CCDC7: variants seen among roughly 807,000 people sequenced by gnomAD.
The protein encoded by CCDC7 is coiled-coil domain containing 7.
CCDC7 carries 183 observed loss-of-function variants against 196.9 expected under a neutral mutation model. That is an observed-to-expected ratio of 0.93 (90% CI 0.82 to 1.05). The LOEUF is 1.05. Among genes scored for constraint, CCDC7 ranks in the 50% least tolerant of loss-of-function variants. The pLI is 0.00. For missense variants in CCDC7, 1,540 were observed against 1,482.2 expected, an observed-to-expected ratio of 1.04 and a Z score of -0.64; for synonymous variants, 525 against 484.6, an observed-to-expected ratio of 1.08 and a Z score of -1.10.
At chr10:32,841,568 C>G (rs895442703) in intron 33 of CCDC7, among the ~76,000 whole-genome samples, 2 of 151,878 alleles carry the variant, frequency 1.3e-5, no homozygotes, top group Admixed American at 1.3e-4. Flanking sequence ...AATGCAATTC[C>G]CATCAAAATA....
intron 28 of CCDC7, among the ~76,000 whole-genome samples, chr10:32,758,857 C>T (rs1157473802): frequency 1.3e-5 from 2 of 152,208 alleles, no homozygotes; most frequent in Admixed American, 1.3e-4. Flanking sequence ...CCTGTCATTT[C>T]AGCCCAAAAT....
At chr10:32,639,416 A>G (rs2066292698) in intron 20 of CCDC7, among the ~76,000 whole-genome samples, 1 of 151,804 alleles carries the variant, frequency 6.6e-6, no homozygotes, top group Non-Finnish European at 1.5e-5. Context: ...TGTGTCCCAG[A>G]GATTCTGGTA....
At chr10:32,521,940 C>T (rs541704603) in intron 11 of CCDC7, among the ~76,000 whole-genome samples, 65 of 152,272 alleles carry the variant, frequency 4.3e-4, no homozygotes, top group Non-Finnish European at 8.5e-4. Context: ...AATGCCTTTT[C>T]AGCGTCAATT....
rs146343518 is a variant in CCDC7 at position 32,735,596 on chromosome 10, C to T, written c.2905+6139C>T. ...TCTTATTGTGTCAGGTATGTGTTTT[C>T]TAAATATTTTCTTCCTGCAGGTGGC... On this transcript the variant is annotated intron_variant, in intron 28 of 41. Transcript: ENST00000639629. 5.9e-3 allele frequency among the ~76,000 whole-genome samples: 901 copies of T among 152,116 alleles called. 9 individuals are homozygous for T. Among genetic ancestry groups the T allele is most frequent in the African/African-American group, 0.021 (859 of 41,518 alleles).
rs2093409463 is a variant in CCDC7, at chr10:32,848,589, A to G, written c.3773-7A>G. 4 of 1,456,166 alleles carry G rather than the reference A, an allele frequency of 2.7e-6. No homozygotes were observed. In the South Asian group the frequency reaches 4.6e-5, roughly 17 times the overall value. 90.2% of individuals were successfully genotyped at this position (1,456,166 alleles called of 1,614,324 possible). The stretch of plus-strand genomic sequence containing the variant: ...CATGCACTTTTTCTTTTAAAATTTT[A>G]TTTTAGATGTGAACTTATTTAAAAA... On this transcript the variant is annotated splice_polypyrimidine_tract_variant and splice_region_variant and intron_variant, in intron 38 of 41. Coordinates refer to ENST00000639629, the Ensembl canonical transcript of CCDC7.
At chr10:32,809,956 T>C (rs868833680) in intron 30 of CCDC7, among the ~76,000 whole-genome samples, 28 of 152,094 alleles carry the variant, frequency 1.8e-4, no homozygotes, top group Middle Eastern at 3.4e-3. Flanking sequence ...CTATTCACAA[T>C]AGCAAAAACT....
intron 28 of CCDC7, among the ~76,000 whole-genome samples, chr10:32,734,133 G>A (rs1451689625): frequency 6.6e-6 from 1 of 152,158 alleles, no homozygotes; most frequent in Non-Finnish European, 1.5e-5. Context: ...GCATGTGAAT[G>A]TTCATCGCAG....
chr10:32,567,853 G>A, exon 15 of CCDC7: 1 of 1,613,358 alleles, frequency 6.2e-7, no homozygotes, highest in Non-Finnish European at 8.5e-7. Context: ...AGATTCAGGT[G>A]GACAAAGGAC....
At chr10:32,733,373 TC>T (rs746096861) in intron 28 of CCDC7, among the ~76,000 whole-genome samples, 4 of 152,136 alleles carry the variant, frequency 2.6e-5, no homozygotes, top group Admixed American at 6.5e-5. Context: ...ATTAAAAGCA[TC>T]TTTTTTGTAG....
At chr10:32,583,097 T>A (rs2058901564) in exon 17 of CCDC7, 1 of 1,231,320 alleles carries the variant, frequency 8.1e-7, no homozygotes, top group Admixed American at 4.2e-5. Flanking sequence ...AGTCTCAAGA[T>A]GAATCAGCAT....
chr10:32,745,511 C>G (rs1457657936), intron 28 of CCDC7, among the ~76,000 whole-genome samples: 2 of 152,066 alleles, frequency 1.3e-5, no homozygotes, highest in African/African-American at 4.8e-5. Context: ...CTCTTTTTAA[C>G]AATCAGATCT....
At chr10:32,566,981 C>A (rs1298185062) in intron 14 of CCDC7, among the ~76,000 whole-genome samples, 1 of 117,076 alleles carries the variant, frequency 8.5e-6, no homozygotes, top group South Asian at 3.0e-4. Context: ...AAATATATAA[C>A]ATATTTATAT....
intron 28 of CCDC7, among the ~76,000 whole-genome samples, chr10:32,733,815 A>G (rs2084390402): frequency 6.6e-6 from 1 of 152,122 alleles, no homozygotes; most frequent in Non-Finnish European, 1.5e-5. Context: ...TATCTGGTAA[A>G]TGGAGACTGT....
At chr10:32,775,527 A>T (rs1264974333) in intron 28 of CCDC7, among the ~76,000 whole-genome samples, 1 of 152,194 alleles carries the variant, frequency 6.6e-6, no homozygotes, top group Non-Finnish European at 1.5e-5. Flanking sequence ...AATGCTCTAG[A>T]TCTCCAAAGT....
At chr10:32,762,283 A>G (rs1168109036) in intron 28 of CCDC7, among the ~76,000 whole-genome samples, 1 of 151,862 alleles carries the variant, frequency 6.6e-6, no homozygotes, top group East Asian at 1.9e-4. Flanking sequence ...ATGGTTTTGA[A>G]TGAGTGTGCG....
intron 31 of CCDC7, among the ~76,000 whole-genome samples, chr10:32,816,410 G>A (rs2088562153): frequency 2.0e-5 from 3 of 152,318 alleles, no homozygotes; most frequent in Non-Finnish European, 2.9e-5. Context: ...ACCTCTGGGG[G>A]CAGGGCATTG....
At chr10:32,641,997 G>C (rs1398340926) in intron 20 of CCDC7, among the ~76,000 whole-genome samples, 1 of 152,170 alleles carries the variant, frequency 6.6e-6, no homozygotes, top group Non-Finnish European at 1.5e-5. Context: ...GTTGCTTCCT[G>C]ATCGTTTCTC....
intron 13 of CCDC7, among the ~76,000 whole-genome samples, chr10:32,549,974 A>G (rs1434217438): frequency 3.3e-5 from 5 of 151,908 alleles, no homozygotes; most frequent in Middle Eastern, 6.8e-3. Context: ...TTTAATGGGG[A>G]TTGCATTGAA....
chr10:32,470,973 T>G, intron 5 of CCDC7, 91 bp from the exon 7 acceptor site: 1 of 1,241,886 alleles, frequency 8.1e-7, no homozygotes, highest in Non-Finnish European at 1.1e-6. Flanking sequence ...TAAAAATTAC[T>G]TTGATTTAAT....
Sources: allele counts gnomAD v4.1 joint callset (sites outside exome capture counted in the v4.1 genomes callset), GRCh38; gene constraint gnomAD v4.1.1; transcripts MANE v1.5; gene names NCBI Gene and HGNC (gene_info 2026-07-23, HGNC 2026-07-21).